Variants in EPSTI1 observed in about 807,000 individuals in gnomAD.
EPSTI1 encodes the protein epithelial stromal interaction 1, also known as epithelial-stromal interaction protein 1.
In EPSTI1, 66 loss-of-function variants were observed where a neutral mutation model predicts 49.9. The ratio of observed to expected loss-of-function variants is 1.32; its 90% CI spans 1.08 to 1.62. The LOEUF (loss-of-function observed/expected upper bound fraction) is 1.62. EPSTI1 is among the 40% of genes most tolerant of loss of function. EPSTI1 has a pLI of 0.00. For missense variants in EPSTI1, 394 were observed against 365.5 expected (o/e 1.08, Z -0.64); for synonymous variants, 137 against 130.7 (o/e 1.05, Z -0.33).
rs779355825 is a variant in EPSTI1, at chr13:42,922,578, C to T, written c.657+3758G>A. 6.6e-6 allele frequency among the ~76,000 whole-genome samples: 1 copy of T among 152,112 alleles called. No homozygotes were observed. Among genetic ancestry groups the T allele is most frequent in the Non-Finnish European group, 1.5e-5 (1 of 68,028 alleles). On this transcript the variant is annotated intron_variant, in intron 7 of 10. Coordinates refer to ENST00000313624, the MANE Select transcript of EPSTI1 (RefSeq NM_033255.5). This position sits in a 1 kb window ranked among gnomAD's most constrained non-coding sequence, Gnocchi z 4.8. ...TAAAACCCATTTTTATTGCTGACCTCCAGAAGTGTTAAGAGAATAAATTTT... is the reference window on the plus strand; with the variant it reads ...TAAAACCCATTTTTATTGCTGACCTTCAGAAGTGTTAAGAGAATAAATTTT...
At chr13:42,951,042 A>C (rs562260616) in intron 6 of EPSTI1, among the ~76,000 whole-genome samples, 17 of 152,254 alleles carry the variant, frequency 1.1e-4, no homozygotes, top group Non-Finnish European at 2.1e-4. Context: ...CTGTAATCCC[A>C]GCTACTTGGG....
chr13:42,967,289 T>TAAAAAAAAAAAAAAAAA (rs747737457), intron 3 of EPSTI1, among the ~76,000 whole-genome samples: 1 of 28,534 alleles, frequency 3.5e-5, no homozygotes, highest in Non-Finnish European at 7.7e-5. Flanking sequence ...AAAAATAAAT[T>TAAAAAAAAAAAAAAAAA]AAAAAAAAAA....
chr13:42,939,507 G>T (rs1331040529), intron 6 of EPSTI1, among the ~76,000 whole-genome samples: 1 of 152,184 alleles, frequency 6.6e-6, no homozygotes, highest in Admixed American at 6.5e-5. Flanking sequence ...CAGTATTGTT[G>T]TGTCTCAGGT....
At chr13:42,895,502 T>C (rs2037164718) in intron 9 of EPSTI1, among the ~76,000 whole-genome samples, 1 of 152,222 alleles carries the variant, frequency 6.6e-6, no homozygotes, top group Admixed American at 6.5e-5. Flanking sequence ...GATAGCTCTA[T>C]GGCATTATTG....
intron 3 of EPSTI1, among the ~76,000 whole-genome samples, chr13:42,968,031 A>G (rs904819485): frequency 1.4e-4 from 22 of 152,324 alleles, no homozygotes; most frequent in South Asian, 2.1e-4. Context: ...AGACTGTTTT[A>G]GGCCTAGAAT....
intron 7 of EPSTI1, chr13:42,919,366 C>A: frequency 6.2e-7 from 1 of 1,603,482 alleles, no homozygotes; most frequent in South Asian, 1.1e-5. Context: ...ATAAATTGAT[C>A]ACTATTTTTC....
chr13:42,910,643 C>T (rs1422420999), intron 8 of EPSTI1, among the ~76,000 whole-genome samples: 1 of 152,204 alleles, frequency 6.6e-6, no homozygotes, highest in African/African-American at 2.4e-5. Flanking sequence ...GCATAAATAA[C>T]AACCTACTTC....
intron 3 of EPSTI1, among the ~76,000 whole-genome samples, chr13:42,966,814 A>G (rs2039634315): frequency 1.2e-5 from 1 of 84,326 alleles, no homozygotes; most frequent in Non-Finnish European, 2.7e-5. Context: ...CAGGATGACA[A>G]TGGCGGCTTT....
intron 10 of EPSTI1, 37 bp from the exon 11 acceptor site, chr13:42,888,539 C>A (rs769797428): frequency 5.1e-6 from 8 of 1,570,716 alleles, no homozygotes; most frequent in Non-Finnish European, 6.9e-6. Flanking sequence ...CTGCAAGCAG[C>A]AAAATAAAAT....
chr13:42,949,965 G>C (rs7989235), intron 6 of EPSTI1, among the ~76,000 whole-genome samples: 78,351 of 151,880 alleles, frequency 0.52, 20,400 homozygotes, highest in African/African-American at 0.58. Flanking sequence ...TTTAAAAAAG[G>C]CTTATCAACT....
Position 42,888,065 on chromosome 13 carries a change from T to A in EPSTI1, c.*429A>T. 1.8e-6 allele frequency: 1 copy of A among 563,454 alleles called. No homozygotes were observed. Among genetic ancestry groups the A allele is most frequent in the Non-Finnish European group, 3.0e-6 (1 of 330,088 alleles). The allele number at this position is 563,454 out of a possible 1,614,324, so 34.9% of individuals were successfully genotyped here. On this transcript the variant is annotated 3_prime_UTR_variant, in exon 11 of 11. Coordinates refer to ENST00000313624, the MANE Select transcript of EPSTI1 (RefSeq NM_033255.5). The stretch of plus-strand genomic sequence containing the variant: ...TTTTCTTTTGTACATATTTGTACCA[T>A]AAAGAAAGTAGGGATTAAAATCTAA...
At chr13:42,935,692 A>C (rs1430713068) in intron 6 of EPSTI1, among the ~76,000 whole-genome samples, 1 of 152,072 alleles carries the variant, frequency 6.6e-6, no homozygotes, top group African/African-American at 2.4e-5. Flanking sequence ...CCCAGGTTCA[A>C]GTGATTCTCT....
intron 7 of EPSTI1, 132 bp downstream of exon 7, chr13:42,926,204 G>T (rs963454161): frequency 1.5e-6 from 1 of 679,362 alleles, no homozygotes; most frequent in African/African-American, 1.8e-5. Flanking sequence ...TGAGGTCAAA[G>T]TTTCGGATCA....
chr13:42,910,800 G>A (rs376847100), intron 8 of EPSTI1, among the ~76,000 whole-genome samples: 4 of 152,250 alleles, frequency 2.6e-5, no homozygotes, highest in African/African-American at 9.6e-5. Flanking sequence ...GCATGAGGTT[G>A]GAATTCCCAG....
At position 42,926,990 on chromosome 13, in the gene EPSTI1, G is replaced by GACACACACACACAC. The variant is rs10529424; in HGVS notation, c.564-575_564-562dup. Among the ~76,000 whole-genome samples the GACACACACACACAC allele has an allele frequency of 7.0e-3, 1,011 of 144,692 alleles. 6 individuals are homozygous for GACACACACACACAC. The highest frequency in any genetic ancestry group is 0.011 in the Non-Finnish European group (720 of 66,232). The allele number at this position is 144,692 out of a possible 152,430, so 94.9% of individuals were successfully genotyped here. ...AGCAAAAGTGAACCCTCTGTTAACA[G>GACACACACACACAC]ACACACACACACACACACACACACA... is the stretch of plus-strand genomic sequence containing the variant. On this transcript the variant is annotated intron_variant, in intron 6 of 10. Transcript: ENST00000313624.
chr13:42,938,085 GATATTT>G (rs2038624573), intron 6 of EPSTI1, among the ~76,000 whole-genome samples: 1 of 151,852 alleles, frequency 6.6e-6, no homozygotes, highest in Non-Finnish European at 1.5e-5. Context: ...TTGAACTTTT[GATATTT>G]TTCTTCCCAA....
At position 42,886,983 on chromosome 13, in the gene EPSTI1, C is replaced by G. The variant is rs543301568; in HGVS notation, c.*1511G>C. 1 of 125,344 alleles carries G rather than the reference C, an allele frequency of 8.0e-6. No homozygotes were observed. The highest frequency in any genetic ancestry group is 3.3e-5 in the African/African-American group (1 of 29,946). 7.8% of individuals were successfully genotyped at this position (125,344 alleles called of 1,614,324 possible). A position where few individuals can be genotyped will look rare whatever the true frequency, so the allele number is the denominator to read the frequency against. The stretch of plus-strand genomic sequence containing the variant: ...GCACACCAAGCATAGACGCAAAAAT[C>G]GGAACACAACTGTAAGGTAGCCAGG... On this transcript the variant is annotated 3_prime_UTR_variant, in exon 11 of 11. Transcript: ENST00000313624.
intron 6 of EPSTI1, among the ~76,000 whole-genome samples, chr13:42,935,098 G>A (rs143319731): frequency 6.6e-6 from 1 of 152,270 alleles, no homozygotes; most frequent in East Asian, 1.9e-4. Context: ...GGACATTGTT[G>A]TCATGAATAA....
chr13:42,981,703 A>G (rs2039990204), intron 1 of EPSTI1, among the ~76,000 whole-genome samples: 1 of 152,242 alleles, frequency 6.6e-6, no homozygotes, highest in South Asian at 2.1e-4. Context: ...CTCTTCTGCC[A>G]TGCATAGAAC....
Sources: gnomAD v4.1 joint callset for allele counts (sites outside exome capture counted in the v4.1 genomes callset) on GRCh38, gnomAD v4.1.1 for gene constraint, Gnocchi (gnomAD v3.1) non-coding constraint, MANE v1.5 for transcripts, NCBI Gene and HGNC (gene_info 2026-07-23, HGNC 2026-07-21) for gene names.